The following NUDCD1 variants were observed in gnomAD, a reference collection of about 807,000 sequenced individuals.
NUDCD1 encodes the protein nudC domain-containing protein 1.
Under a neutral mutation model 67.8 loss-of-function variants are expected in NUDCD1, and 60 were observed. That is an observed-to-expected ratio of 0.88 (90% CI 0.72 to 1.10). The LOEUF is 1.10. NUDCD1 is among the 50% of genes least tolerant of loss of function. The probability of loss-of-function intolerance (pLI) is 0.00; values close to 1 mark genes in which losing one functional copy is unlikely to be tolerated. For missense variants in NUDCD1, 643 were observed against 695.0 expected (o/e 0.93, Z 0.84); for synonymous variants, 244 against 230.8 (o/e 1.06, Z -0.52).
At chr8:109,329,251 T>C (rs887457586) in intron 1 of NUDCD1, among the ~76,000 whole-genome samples, 28 of 152,118 alleles carry the variant, frequency 1.8e-4, no homozygotes, top group African/African-American at 6.8e-4. Flanking sequence ...TTCTGTGATC[T>C]AAAAATGTGT....
At chr8:109,254,896 G>A (rs1046422548) in intron 8 of NUDCD1, among the ~76,000 whole-genome samples, 2 of 152,078 alleles carry the variant, frequency 1.3e-5, no homozygotes, top group East Asian at 1.9e-4. Flanking sequence ...TCTGTACACA[G>A]AATAAATTGT....
chr8:109,301,261 A>G (rs1298111040), intron 2 of NUDCD1, among the ~76,000 whole-genome samples: 1 of 152,154 alleles, frequency 6.6e-6, no homozygotes, highest in Non-Finnish European at 1.5e-5. Context: ...CCCGATCCTT[A>G]AGAAGGTACT....
chr8:109,246,499 T>A (rs1225395663), intron 8 of NUDCD1, among the ~76,000 whole-genome samples: 1 of 152,212 alleles, frequency 6.6e-6, no homozygotes, highest in African/African-American at 2.4e-5. Flanking sequence ...AAAGTATCAA[T>A]GTCAATATGT....
chr8:109,322,279 TATTA>T, intron 2 of NUDCD1, 26 bp downstream of exon 2: 2 of 1,230,894 alleles, frequency 1.6e-6, no homozygotes, highest in African/African-American at 1.5e-5. Flanking sequence ...TACATACATA[TATTA>T]ATTATTACAT....
At chr8:109,258,985 A>G (rs1813803996) in intron 8 of NUDCD1, among the ~76,000 whole-genome samples, 1 of 152,186 alleles carries the variant, frequency 6.6e-6, no homozygotes, top group African/African-American at 2.4e-5. Context: ...AACCACACTC[A>G]TATTGAGGTC....
At chr8:109,262,214 G>A (rs1302782341) in intron 8 of NUDCD1, among the ~76,000 whole-genome samples, 2 of 152,196 alleles carry the variant, frequency 1.3e-5, no homozygotes, top group Non-Finnish European at 2.9e-5. Flanking sequence ...CGGAGATACT[G>A]ACTGCTCTTT....
chr8:109,286,997 G>A (rs908113825), intron 5 of NUDCD1, among the ~76,000 whole-genome samples: 1 of 151,984 alleles, frequency 6.6e-6, no homozygotes, highest in Non-Finnish European at 1.5e-5. Flanking sequence ...CATACAAATG[G>A]CCAACACACA....
At chr8:109,266,807 TA>T (rs1354035612) in intron 8 of NUDCD1, among the ~76,000 whole-genome samples, 1 of 152,204 alleles carries the variant, frequency 6.6e-6, no homozygotes, top group South Asian at 2.1e-4. Context: ...TTCTGATATT[TA>T]ATATTTCTTT....
chr8:109,313,740 A>C (rs78714120), intron 2 of NUDCD1: 44 of 485,592 alleles, frequency 9.1e-5, no homozygotes, highest in South Asian at 6.7e-4. Context: ...TTGTTAAATT[A>C]CTATTCTTCA....
chr8:109,270,956 C>CT, intron 8 of NUDCD1, 49 bp downstream of exon 8: 1 of 1,255,406 alleles, frequency 8.0e-7, no homozygotes, highest in African/African-American at 1.5e-5. Context: ...CAATCATTAT[C>CT]TGAGTAACTA....
At chr8:109,275,602 G>A (rs558880587) in intron 6 of NUDCD1, 106 bp from the exon 7 acceptor site, 16 of 1,030,788 alleles carry the variant, frequency 1.6e-5, no homozygotes, top group African/African-American at 1.5e-4. Flanking sequence ...AGAACCCTCC[G>A]GTGTCCAGAG....
intron 8 of NUDCD1, among the ~76,000 whole-genome samples, chr8:109,245,788 T>C (rs183979237): frequency 1.3e-5 from 2 of 152,280 alleles, no homozygotes; most frequent in East Asian, 1.9e-4. Context: ...ATACCACCTC[T>C]TAATTGTTAG....
intron 7 of NUDCD1, among the ~76,000 whole-genome samples, chr8:109,272,968 T>C (rs543184119): frequency 6.6e-6 from 1 of 152,192 alleles, no homozygotes; most frequent in Non-Finnish European, 1.5e-5. Flanking sequence ...CTCCTTCCCT[T>C]CCCCTTCCAA....
intron 2 of NUDCD1, among the ~76,000 whole-genome samples, chr8:109,304,279 C>T (rs1297041633): frequency 1.3e-5 from 2 of 152,164 alleles, no homozygotes; most frequent in East Asian, 3.8e-4. Context: ...CCACATTATT[C>T]CTGATACCAC....
At chr8:109,317,044 A>C (rs1261293925) in intron 2 of NUDCD1, among the ~76,000 whole-genome samples, 1 of 152,218 alleles carries the variant, frequency 6.6e-6, no homozygotes, top group Non-Finnish European at 1.5e-5. Flanking sequence ...AAAGACAACA[A>C]TAATCTTAAG....
intron 8 of NUDCD1, among the ~76,000 whole-genome samples, chr8:109,267,451 G>GT (rs1814029476): frequency 1.3e-5 from 2 of 152,220 alleles, no homozygotes; most frequent in African/African-American, 4.8e-5. Flanking sequence ...TAATAGGAAT[G>GT]TAAATTAGTT....
intron 2 of NUDCD1, among the ~76,000 whole-genome samples, chr8:109,296,945 G>A (rs1467240206): frequency 6.6e-6 from 1 of 152,090 alleles, no homozygotes; most frequent in Non-Finnish European, 1.5e-5. Flanking sequence ...TAATCATTTC[G>A]AAAATGTATC....
chr8:109,275,572 TG>T (rs1334744551), intron 6 of NUDCD1, 76 bp from the exon 7 acceptor site: 11 of 1,349,132 alleles, frequency 8.2e-6, no homozygotes, highest in African/African-American at 7.3e-5. Flanking sequence ...AAACATTGTT[TG>T]TTTCTATCTT....
chr8:109,270,429 A>G (rs1814123195), intron 8 of NUDCD1, among the ~76,000 whole-genome samples: 1 of 152,158 alleles, frequency 6.6e-6, no homozygotes, highest in African/African-American at 2.4e-5. Context: ...AATAACTGCA[A>G]TCATTACTAA....
Sources: allele counts gnomAD v4.1 joint callset (sites outside exome capture counted in the v4.1 genomes callset), GRCh38; gene constraint gnomAD v4.1.1; transcripts MANE v1.5; gene names NCBI Gene and HGNC (gene_info 2026-07-23, HGNC 2026-07-21).